RBFOX1: variants seen among roughly 807,000 people sequenced by gnomAD.
The protein encoded by RBFOX1 is RNA binding fox-1 homolog 1.
RBFOX1 carries 8 observed loss-of-function variants against 57.7 expected under a neutral mutation model. That is an observed-to-expected ratio of 0.14 (90% CI 0.08 to 0.25). The LOEUF (loss-of-function observed/expected upper bound fraction) is 0.25. Ranked by LOEUF, RBFOX1 falls within the 10% of genes least tolerant of loss-of-function variation. RBFOX1 has a pLI of 1.00. For synonymous variants in RBFOX1, 326 were observed against 222.4 expected, an observed-to-expected ratio of 1.47 and a Z score of -4.15; for missense variants, 611 against 548.5, an observed-to-expected ratio of 1.11 and a Z score of -1.14.
downstream of RBFOX1, chr16:5,601,368 G>A (rs895595654): frequency 6.6e-6 from 1 of 152,356 alleles, no homozygotes; most frequent in Non-Finnish European, 1.5e-5. Context: ...TGTCTGCCAG[G>A]GTGAGAGATC....
chr16:5,911,939 G>C (rs1051183205), intron 4 of RBFOX1, among the ~76,000 whole-genome samples: 2 of 152,026 alleles, frequency 1.3e-5, no homozygotes, highest in African/African-American at 4.8e-5. Context: ...AATTTTGAGG[G>C]GACACAAACA....
At chr16:7,048,390 G>A (rs1191158007) in intron 3 of RBFOX1, among the ~76,000 whole-genome samples, 1 of 152,020 alleles carries the variant, frequency 6.6e-6, no homozygotes, top group South Asian at 2.1e-4. Flanking sequence ...CTCCCTAGTA[G>A]CTGGGACTAC....
intron 3 of RBFOX1, among the ~76,000 whole-genome samples, chr16:6,873,495 C>A (rs549426219): frequency 1.3e-5 from 2 of 152,088 alleles, no homozygotes; most frequent in Non-Finnish European, 2.9e-5. Flanking sequence ...AAAACTTCCT[C>A]AAGGCTATGA....
At chr16:5,299,564 A>G (rs190207214) in intron 1 of RBFOX1, among the ~76,000 whole-genome samples, 57 of 152,284 alleles carry the variant, frequency 3.7e-4, no homozygotes, top group Admixed American at 1.6e-3. Context: ...GAAAGTTCCA[A>G]TTGTTTCATG....
chr16:6,217,825 G>A lies in RBFOX1; in HGVS notation c.-126-99170G>A, dbSNP rs138930944. 8.4e-3 allele frequency among the ~76,000 whole-genome samples: 1,284 copies of A among 152,230 alleles called. 15 individuals carry two copies. The highest frequency in any genetic ancestry group is 0.024 in the African/African-American group (984 of 41,510). On this transcript the variant is annotated intron_variant, in intron 1 of 15. Coordinates refer to ENST00000550418, the MANE Select transcript of RBFOX1 (RefSeq NM_018723.4). Reference sequence around the variant, plus strand: ...AGACCAAGGGTTTGAGACCAGCCGGGCGAACATGGCAAAACTCTGTATCTA... The same window carrying A: ...AGACCAAGGGTTTGAGACCAGCCGGACGAACATGGCAAAACTCTGTATCTA...
intron 2 of RBFOX1, among the ~76,000 whole-genome samples, chr16:5,568,039 A>C (rs1291959901): frequency 6.6e-6 from 1 of 152,232 alleles, no homozygotes; most frequent in Admixed American, 6.5e-5. Context: ...ACCAGTACCC[A>C]GTGATGCACT....
At chr16:6,887,030 A>G (rs2064216055) in intron 3 of RBFOX1, among the ~76,000 whole-genome samples, 1 of 152,190 alleles carries the variant, frequency 6.6e-6, no homozygotes, top group Non-Finnish European at 1.5e-5. Context: ...TATCTTCCAT[A>G]TACTGGTGAG....
intron 4 of RBFOX1, among the ~76,000 whole-genome samples, chr16:7,453,126 C>G (rs1218265901): frequency 1.0e-5 from 1 of 96,092 alleles, no homozygotes; most frequent in Non-Finnish European, 2.1e-5. Flanking sequence ...GAGGCTTTGT[C>G]TCAAAAAAAA....
chr16:5,398,277 G>C (rs551784), intron 1 of RBFOX1, among the ~76,000 whole-genome samples: 1 of 151,518 alleles, frequency 6.6e-6, no homozygotes, highest in Admixed American at 6.6e-5. Flanking sequence ...GCACGTGCTG[G>C]TGTGTGTGCA....
rs2097266460 is a variant in RBFOX1, at chr16:6,207,988, C to G, written c.-126-109007C>G. Reference sequence around the variant, plus strand: ...GGAGATGTTGTAGTGATTAATCTCCCTTAAAATTTTTATGTGTGTATATGT... The same window carrying G: ...GGAGATGTTGTAGTGATTAATCTCCGTTAAAATTTTTATGTGTGTATATGT... On this transcript the variant is annotated intron_variant, in intron 1 of 15. Transcript: ENST00000550418. Among the ~76,000 whole-genome samples the G allele has an allele frequency of 4.0e-5, 6 of 151,778 alleles. No individual in the cohort carries two copies. In the South Asian group the frequency reaches 1.3e-3, roughly 32 times the overall value.
At chr16:7,635,355 G>A (rs1056628642) in intron 11 of RBFOX1, among the ~76,000 whole-genome samples, 1 of 152,130 alleles carries the variant, frequency 6.6e-6, no homozygotes. Flanking sequence ...GTTTTCTTCA[G>A]GATTTTATGA....
chr16:5,954,181 C>G (rs1214612897), intron 4 of RBFOX1, among the ~76,000 whole-genome samples: 1 of 152,172 alleles, frequency 6.6e-6, no homozygotes, highest in African/African-American at 2.4e-5. Context: ...TGTGGAACAT[C>G]TCAGTTTGAA....
intron 3 of RBFOX1, among the ~76,000 whole-genome samples, chr16:6,900,691 C>T (rs1185365420): frequency 1.3e-5 from 2 of 152,200 alleles, no homozygotes; most frequent in Non-Finnish European, 2.9e-5. Context: ...TTCTTCTGGT[C>T]TCAGAATCTG....
In RBFOX1 at chr16:7,415,909, C is replaced by G. The variant is rs149241962; in HGVS notation, c.28-102238C>G. 3.3e-5 allele frequency among the ~76,000 whole-genome samples: 5 copies of G among 152,192 alleles called. No homozygotes were observed. The East Asian group carries it at 7.7e-4, about 24-fold the overall frequency. ...GCTGTGATAACTTTGGGCCCAGTTA[C>G]GCTTGCTACGAAGCTTGGGCTGGTA... is the stretch of plus-strand genomic sequence containing the variant. On this transcript the variant is annotated intron_variant, in intron 4 of 15. Coordinates refer to ENST00000550418, the MANE Select transcript of RBFOX1 (RefSeq NM_018723.4).
intron 3 of RBFOX1, among the ~76,000 whole-genome samples, chr16:6,913,106 A>C (rs1445312870): frequency 6.6e-6 from 1 of 152,042 alleles, no homozygotes; most frequent in Non-Finnish European, 1.5e-5. Flanking sequence ...ACGTCTGTCC[A>C]CCCACCAGGC....
intron 14 of RBFOX1, among the ~76,000 whole-genome samples, chr16:7,707,315 C>A (rs2082776984): frequency 1.3e-5 from 2 of 152,048 alleles, no homozygotes; most frequent in African/African-American, 4.8e-5. Context: ...TCTCAGACTC[C>A]ATGGTGTGAG....
intron 1 of RBFOX1, among the ~76,000 whole-genome samples, chr16:5,418,638 C>T (rs1235070016): frequency 6.6e-6 from 1 of 152,070 alleles, no homozygotes; most frequent in African/African-American, 2.4e-5. Flanking sequence ...CCCCGCCATA[C>T]CTCCCTTGTC....
intron 4 of RBFOX1, among the ~76,000 whole-genome samples, chr16:7,108,127 G>A (rs936586652): frequency 6.6e-6 from 1 of 152,092 alleles, no homozygotes; most frequent in African/African-American, 2.4e-5. Context: ...CAGCTAATTA[G>A]CATAAAACAA....
intron 3 of RBFOX1, among the ~76,000 whole-genome samples, chr16:6,878,355 C>T (rs1341475844): frequency 6.6e-6 from 1 of 152,098 alleles, no homozygotes; most frequent in East Asian, 1.9e-4. Context: ...GCAAGAGTTT[C>T]TAGAAATTTC....
Sources: gnomAD v4.1 joint callset for allele counts (sites outside exome capture counted in the v4.1 genomes callset) on GRCh38, gnomAD v4.1.1 for gene constraint, MANE v1.5 for transcripts, NCBI Gene and HGNC (gene_info 2026-07-23, HGNC 2026-07-21) for gene names.